Variants in TLL2 observed in about 807,000 individuals in gnomAD.
TLL2 encodes tolloid like 2.
TLL2 carries 106 observed loss-of-function variants against 123.0 expected under a neutral mutation model. That is an observed-to-expected ratio of 0.86 (90% CI 0.74 to 1.01). The LOEUF is 1.01. Among genes scored for constraint, TLL2 ranks in the 50% least tolerant of loss-of-function variants. The pLI, the probability that TLL2 is intolerant of heterozygous loss-of-function variation, is 0.00. For synonymous variants in TLL2, 494 were observed against 516.8 expected (o/e 0.96, Z 0.60); for missense variants, 1,332 against 1,336.7 (o/e 1.00, Z 0.06).
intron 5 of TLL2, among the ~76,000 whole-genome samples, chr10:96,425,259 T>TTCTCTCTCTC (rs5787184): frequency 9.2e-4 from 133 of 144,338 alleles, no homozygotes; most frequent in African/African-American, 3.3e-3. Context: ...CATTACTGTT[T>TTCTCTCTCTC]TCTCTCTCTC....
At chr10:96,422,351 T>A (rs1460940201) in intron 6 of TLL2, among the ~76,000 whole-genome samples, 198 bp downstream of exon 6, 1 of 152,160 alleles carries the variant, frequency 6.6e-6, no homozygotes, top group East Asian at 1.9e-4. Context: ...CTACAAGCTA[T>A]GGCAGATGAC....
chr10:96,386,105 G>A lies in TLL2; in HGVS notation c.1963C>T (p.Gln655Ter), dbSNP rs1046689831. The A allele has an allele frequency of 5.0e-6, 8 of 1,612,654 alleles. No individual in the cohort carries two copies. Among genetic ancestry groups the A allele is most frequent in the African/African-American group, 2.7e-5 (2 of 74,840 alleles). Residue 655 changes from glutamine to a stop codon, truncating the protein, a stop_gained, in exon 15 of 21, where the codon CAG (glutamine) becomes TAG (stop). Transcript: ENST00000357947. LOFTEE classifies it high-confidence loss of function. ...NCVWQVVAPA[Q>*]YRISLQFEVF... ...TCAAACTGAAGGGAGATCCGGTACT[G>A]AGCGGGGGCCACCACCTGCCAGACA...
chr10:96,423,470 G>A (rs769757802), intron 5 of TLL2, among the ~76,000 whole-genome samples: 2 of 152,156 alleles, frequency 1.3e-5, no homozygotes, highest in Non-Finnish European at 2.9e-5. Context: ...TCCCTTCTGG[G>A]CACAATCATT....
intron 5 of TLL2, among the ~76,000 whole-genome samples, chr10:96,423,015 C>T (rs1203211383): frequency 1.3e-5 from 2 of 151,714 alleles, no homozygotes; most frequent in East Asian, 3.9e-4. Flanking sequence ...GTAATCCCAG[C>T]TACTTGGGAG....
intron 2 of TLL2, among the ~76,000 whole-genome samples, chr10:96,468,425 C>T (rs927262734): frequency 6.6e-6 from 1 of 152,182 alleles, no homozygotes; most frequent in Non-Finnish European, 1.5e-5. Context: ...TACTTCGTGG[C>T]CCCTGAGAAG....
At chr10:96,401,514 ACACACACACACG>A (rs1846394502) in intron 10 of TLL2, among the ~76,000 whole-genome samples, 1 of 151,638 alleles carries the variant, frequency 6.6e-6, no homozygotes, top group Non-Finnish European at 1.5e-5. Flanking sequence ...ACACACACAC[ACACACACACACG>A]CACACACACA....
At chr10:96,477,994 C>A (rs1041457727) in intron 2 of TLL2, among the ~76,000 whole-genome samples, 3 of 152,240 alleles carry the variant, frequency 2.0e-5, no homozygotes, top group Admixed American at 2.0e-4. Flanking sequence ...GCTCTATCAG[C>A]TCACTGGAGA....
intron 9 of TLL2, among the ~76,000 whole-genome samples, chr10:96,407,272 C>T (rs1389186949): frequency 1.3e-5 from 2 of 152,180 alleles, no homozygotes; most frequent in African/African-American, 4.8e-5. Flanking sequence ...CTCAAGTGTC[C>T]CCCTCCTCGA....
Position 96,433,499 on chromosome 10 carries a change from T to A in TLL2, c.365-537A>T, listed in dbSNP as rs375115471. On this transcript the variant is annotated intron_variant, in intron 3 of 20. Transcript: ENST00000357947. ...GGCATCTGTACCCTTAAGACAGGAGTGTGGCAAACACAAGGAGGTTCGATG... is the reference window on the plus strand; with the variant it reads ...GGCATCTGTACCCTTAAGACAGGAGAGTGGCAAACACAAGGAGGTTCGATG... Among the ~76,000 whole-genome samples, 11 of 151,938 alleles carry A rather than the reference T, an allele frequency of 7.2e-5. No homozygotes were observed. The East Asian group carries it at 1.5e-3, about 21-fold the overall frequency.
At chr10:96,488,325 C>G (rs763770618) in intron 1 of TLL2, among the ~76,000 whole-genome samples, 2 of 152,230 alleles carry the variant, frequency 1.3e-5, no homozygotes, top group Admixed American at 6.5e-5. Flanking sequence ...GCAGCCCTTA[C>G]CGACAACAGC....
chr10:96,421,195 T>C lies in TLL2; in HGVS notation c.818-134A>G, dbSNP rs117391996. 6.0e-3 allele frequency: 3,877 copies of C among 651,452 alleles called. 22 individuals carry two copies. The highest frequency in any genetic ancestry group is 7.9e-3 in the Non-Finnish European group (2,944 of 372,176). The allele number at this position is 651,452 out of a possible 1,614,324, so 40.4% of individuals were successfully genotyped here. ...CCAATCAGTCAAATAACAGGGCTTG[T>C]AGTGGTTCTTGTTGTTTTTAATAAT... On this transcript the variant is annotated intron_variant, in intron 6 of 20. Coordinates refer to ENST00000357947, the MANE Select transcript of TLL2 (RefSeq NM_012465.4).
intron 4 of TLL2, 128 bp downstream of exon 4, chr10:96,432,679 T>A: frequency 8.3e-7 from 1 of 1,204,124 alleles, no homozygotes; most frequent in Non-Finnish European, 1.2e-6. Flanking sequence ...GAGGGGGGCA[T>A]CATCTGTAGG....
At position 96,462,282 on chromosome 10, in the gene TLL2, C is replaced by G. The variant is rs58300272; in HGVS notation, c.287-16114G>C. Among the ~76,000 whole-genome samples, 46 of 152,290 alleles carry G rather than the reference C, an allele frequency of 3.0e-4. No homozygotes were observed. The East Asian group carries it at 8.1e-3, about 27-fold the overall frequency. ...CCTCATTGTTCCTTCCCCTAGTGTTCTAACAGGAGCAGAGATGGAGGATGA... is the reference window on the plus strand; with the variant it reads ...CCTCATTGTTCCTTCCCCTAGTGTTGTAACAGGAGCAGAGATGGAGGATGA... On this transcript the variant is annotated intron_variant, in intron 2 of 20. Coordinates refer to ENST00000357947, the MANE Select transcript of TLL2 (RefSeq NM_012465.4).
intron 10 of TLL2, among the ~76,000 whole-genome samples, chr10:96,398,245 A>C (rs936958295): frequency 1.3e-5 from 2 of 152,172 alleles, no homozygotes; most frequent in Admixed American, 6.5e-5. Flanking sequence ...GGGAATGTAG[A>C]CCTGCACCAT....
chr10:96,485,760 T>C (rs920021993), intron 1 of TLL2, among the ~76,000 whole-genome samples: 1 of 152,206 alleles, frequency 6.6e-6, no homozygotes, highest in Non-Finnish European at 1.5e-5. Flanking sequence ...AGAACTCCCT[T>C]GAAATGTGTG....
intron 6 of TLL2, 123 bp downstream of exon 6, chr10:96,422,426 T>C (rs1261021111): frequency 8.6e-7 from 1 of 1,161,236 alleles, no homozygotes; most frequent in East Asian, 2.6e-5. Flanking sequence ...ACAGAGTCAT[T>C]GCTCCATATT....
chr10:96,513,167 C>G lies in TLL2; in HGVS notation c.175+344G>C, dbSNP rs537787434. 3.7e-3 allele frequency among the ~76,000 whole-genome samples: 569 copies of G among 152,256 alleles called. 6 individuals are homozygous for G. The highest frequency in any genetic ancestry group is 0.014 in the Middle Eastern group (4 of 294). ...CCAGTCCAGCTCTTCTGCTCCGGCC[C>G]GGAGCGTCTGGCGGTGGCCAGTGCT... On this transcript the variant is annotated intron_variant, in intron 1 of 20. Coordinates refer to ENST00000357947, the MANE Select transcript of TLL2 (RefSeq NM_012465.4).
intron 15 of TLL2, among the ~76,000 whole-genome samples, chr10:96,385,116 AAGG>A (rs1465654834): frequency 6.6e-6 from 1 of 152,300 alleles, no homozygotes; most frequent in South Asian, 2.1e-4. Context: ...GAAGAAAAAT[AAGG>A]AGAAGAGGAT....
Position 96,365,051 on chromosome 10 carries a change from T to C in TLL2, c.*3037A>G, listed in dbSNP as rs138752118. On this transcript the variant is annotated 3_prime_UTR_variant, in exon 21 of 21. Transcript: ENST00000357947. ...CATCTTTTGGCTTCCCTGGGCCACA[T>C]TGGAAGAAGAATTATCTTGGGCCAC... 3,726 of 152,308 alleles carry C rather than the reference T, an allele frequency of 0.024. 64 individuals are homozygous for C. Among genetic ancestry groups the C allele is most frequent in the Non-Finnish European group, 0.035 (2,372 of 68,018 alleles). The allele number at this position is 152,308 out of a possible 1,614,324, so 9.4% of individuals were successfully genotyped here.
Sources: gnomAD v4.1 joint callset for allele counts (sites outside exome capture counted in the v4.1 genomes callset) on GRCh38, gnomAD v4.1.1 for gene constraint, MANE v1.5 for transcripts, NCBI Gene and HGNC (gene_info 2026-07-23, HGNC 2026-07-21) for gene names.